PDE4D: variants seen among roughly 807,000 people sequenced by gnomAD.
PDE4D encodes 3',5'-cyclic-AMP phosphodiesterase 4D.
PDE4D carries 24 observed loss-of-function variants against 87.4 expected under a neutral mutation model. The ratio of observed to expected loss-of-function variants is 0.27; its 90% CI spans 0.20 to 0.39. The LOEUF (loss-of-function observed/expected upper bound fraction) is 0.39. Among genes scored for constraint, PDE4D ranks in the 10% least tolerant of loss-of-function variants. The pLI, the probability that PDE4D is intolerant of heterozygous loss-of-function variation, is 1.00. For missense variants in PDE4D, 714 were observed against 1,041.0 expected (o/e 0.69, Z 4.32); for synonymous variants, 384 against 383.2 (o/e 1.00, Z -0.02).
chr5:60,228,330 T>C (rs1246590510), intron 1 of PDE4D, among the ~76,000 whole-genome samples: 2 of 152,114 alleles, frequency 1.3e-5, no homozygotes, highest in Non-Finnish European at 2.9e-5. Flanking sequence ...TTTTCAGAGA[T>C]TAGCAAAGGC....
intron 1 of PDE4D, among the ~76,000 whole-genome samples, chr5:59,253,286 A>G (rs947430339): frequency 5.3e-5 from 8 of 152,160 alleles, no homozygotes; most frequent in Non-Finnish European, 8.8e-5. Context: ...AAAATGTATA[A>G]CTGTTTGAAA....
At position 60,403,411 on chromosome 5, in the gene PDE4D, G is replaced by A. The variant is rs191755485; in HGVS notation, c.-90+84531C>T. On this transcript the variant is annotated intron_variant, in intron 1 of 16. Transcript: ENST00000502484. ...AGGAAATGTTCTGCAGATGAAGAAT[G>A]TTTTGTAGATGTGACTTCCACCCTT... Among the ~76,000 whole-genome samples the A allele has an allele frequency of 7.3e-3, 1,112 of 152,328 alleles. 22 individuals carry two copies. The highest frequency in any genetic ancestry group is 7.6e-3 in the Non-Finnish European group (517 of 68,014).
intron 2 of PDE4D, among the ~76,000 whole-genome samples, chr5:60,171,837 A>G (rs1193923659): frequency 3.9e-5 from 6 of 152,128 alleles, no homozygotes; most frequent in Non-Finnish European, 7.4e-5. Flanking sequence ...TTCACTCTTG[A>G]GCCAAATATT....
intron 5 of PDE4D, among the ~76,000 whole-genome samples, chr5:59,110,796 C>T (rs2153438525): frequency 6.6e-6 from 1 of 152,190 alleles, no homozygotes; most frequent in South Asian, 2.1e-4. Context: ...CGCTTGAGTC[C>T]AGGAGGCAGA....
chr5:60,373,704 G>A (rs1342488575), intron 1 of PDE4D, among the ~76,000 whole-genome samples: 3 of 152,144 alleles, frequency 2.0e-5, no homozygotes, highest in African/African-American at 7.2e-5. Flanking sequence ...GGCCAAGAAG[G>A]GATCTTTTTG....
intron 1 of PDE4D, among the ~76,000 whole-genome samples, chr5:60,297,120 T>C (rs1481741376): frequency 1.3e-5 from 2 of 152,224 alleles, no homozygotes; most frequent in African/African-American, 2.4e-5. Context: ...TATTTATACA[T>C]TGAATGAAAT....
At chr5:59,902,679 C>A (rs907247855) in intron 3 of PDE4D, among the ~76,000 whole-genome samples, 1 of 152,004 alleles carries the variant, frequency 6.6e-6, no homozygotes, top group East Asian at 1.9e-4. Flanking sequence ...AATTGTAACC[C>A]CACAGGGTAG....
intron 1 of PDE4D, among the ~76,000 whole-genome samples, chr5:59,665,855 C>T (rs906028280): frequency 1.3e-5 from 2 of 152,186 alleles, no homozygotes; most frequent in African/African-American, 4.8e-5. Flanking sequence ...CATTAATGAA[C>T]CAGAAACCTG....
chr5:59,120,088 C>T (rs185560296), intron 5 of PDE4D, among the ~76,000 whole-genome samples: 1 of 152,272 alleles, frequency 6.6e-6, no homozygotes, highest in African/African-American at 2.4e-5. Flanking sequence ...CTACATCGGC[C>T]TCCCGAAGCA....
chr5:59,453,883 T>G (rs1360612896), intron 1 of PDE4D, among the ~76,000 whole-genome samples: 1 of 152,226 alleles, frequency 6.6e-6, no homozygotes, highest in Non-Finnish European at 1.5e-5. Context: ...AAGATGCCAT[T>G]TAGCACTTTC....
intron 1 of PDE4D, among the ~76,000 whole-genome samples, chr5:59,658,568 A>C (rs1429948204): frequency 6.6e-6 from 1 of 152,104 alleles, no homozygotes; most frequent in African/African-American, 2.4e-5. Context: ...TTTTTAGTAG[A>C]GATGGGGTTT....
chr5:59,143,531 T>C (rs922104499), intron 5 of PDE4D, among the ~76,000 whole-genome samples: 2 of 152,180 alleles, frequency 1.3e-5, no homozygotes, highest in African/African-American at 2.4e-5. Context: ...CACACATCCA[T>C]CTGCAAGCAT....
intron 1 of PDE4D, among the ~76,000 whole-genome samples, chr5:60,226,570 TA>T (rs1212314177): frequency 6.6e-6 from 1 of 152,158 alleles, no homozygotes; most frequent in Non-Finnish European, 1.5e-5. Context: ...AAAACAGCGT[TA>T]TTTTTTAAGT....
At chr5:60,166,028 G>T (rs77501755) in intron 2 of PDE4D, among the ~76,000 whole-genome samples, 7,300 of 152,050 alleles carry the variant, frequency 0.048, 591 homozygotes, top group African/African-American at 0.17. Context: ...ATTTTGTGTT[G>T]TGTGTACCAA....
intron 1 of PDE4D, among the ~76,000 whole-genome samples, chr5:59,537,060 T>C (rs1365561480): frequency 1.3e-5 from 2 of 152,202 alleles, no homozygotes; most frequent in African/African-American, 4.8e-5. Context: ...TGTATGTGCA[T>C]GCACACATAT....
At chr5:59,005,875 T>C (rs1357307566) in intron 6 of PDE4D, among the ~76,000 whole-genome samples, 1 of 152,256 alleles carries the variant, frequency 6.6e-6, no homozygotes. Context: ...GCAAACTCTA[T>C]GATAAACAGT....
chr5:60,075,600 T>C (rs557202639), intron 2 of PDE4D, among the ~76,000 whole-genome samples: 2 of 152,178 alleles, frequency 1.3e-5, no homozygotes, highest in South Asian at 4.1e-4. Flanking sequence ...CTGAAATATG[T>C]TTTCCAAGTT....
intron 5 of PDE4D, among the ~76,000 whole-genome samples, chr5:59,112,547 G>A (rs1483962897): frequency 6.6e-6 from 1 of 152,174 alleles, no homozygotes; most frequent in Non-Finnish European, 1.5e-5. Context: ...ATGGTGACAA[G>A]GATGCTGGGC....
chr5:60,320,976 C>T (rs185353210), intron 1 of PDE4D, among the ~76,000 whole-genome samples: 14 of 152,214 alleles, frequency 9.2e-5, no homozygotes, highest in Admixed American at 9.2e-4. Context: ...GTCATATTGC[C>T]CAAAGCAATT....
Sources: allele counts gnomAD v4.1 joint callset (sites outside exome capture counted in the v4.1 genomes callset), GRCh38; gene constraint gnomAD v4.1.1; transcripts MANE v1.5; gene names NCBI Gene and HGNC (gene_info 2026-07-23, HGNC 2026-07-21).